Variants in FBXW7 observed in about 807,000 individuals in gnomAD.
FBXW7 encodes the protein F-box and WD repeat domain containing 7.
Under a neutral mutation model 86.3 loss-of-function variants are expected in FBXW7, and 11 were observed. That is an observed-to-expected ratio of 0.13 (90% confidence interval 0.08 to 0.21). The LOEUF is 0.21. Ranked by LOEUF, FBXW7 falls within the 10% of genes least tolerant of loss-of-function variation. FBXW7 has a pLI of 1.00. For missense variants in FBXW7, 488 were observed against 847.4 expected (o/e 0.58, Z 5.27); for synonymous variants, 313 against 297.9 (o/e 1.05, Z -0.52).
chr4:152,323,998 AAC>A (rs1728784744), intron 13 of FBXW7, 184 bp downstream of exon 13: 4 of 575,582 alleles, frequency 6.9e-6, no homozygotes, highest in East Asian at 5.7e-5. Context: ...ACATATTAAA[AAC>A]ACAGTTTAAA....
At chr4:152,364,196 GCC>G (rs1246034417) in intron 4 of FBXW7, among the ~76,000 whole-genome samples, 7 of 152,124 alleles carry the variant, frequency 4.6e-5, no homozygotes, top group African/African-American at 1.7e-4. Context: ...TTATATTGAG[GCC>G]AGGCAGTCAT....
Position 152,359,887 on chromosome 4 carries a change from T to A in FBXW7, c.502-9763A>T, listed in dbSNP as rs539579006. ...GAAGTTATTTTAATAGTCTGGGAGT[T>A]CATAAATGACATGGTCTTGCTTCTG... On this transcript the variant is annotated intron_variant, in intron 4 of 13. Transcript: ENST00000281708. Among the ~76,000 whole-genome samples the A allele has an allele frequency of 3.7e-4, 56 of 152,288 alleles. No individual in the cohort carries two copies. The South Asian group carries it at 0.011, about 29-fold the overall frequency.
At chr4:152,383,734 A>G (rs1427657563) in intron 4 of FBXW7, among the ~76,000 whole-genome samples, 6 of 152,144 alleles carry the variant, frequency 3.9e-5, no homozygotes, top group Admixed American at 1.3e-4. Context: ...AAAGATTAGC[A>G]TTGCTAAATA....
At chr4:152,491,525 G>A (rs1047601970) in intron 2 of FBXW7, among the ~76,000 whole-genome samples, 2 of 152,108 alleles carry the variant, frequency 1.3e-5, no homozygotes, top group Admixed American at 6.6e-5. Context: ...TGGACGTGAC[G>A]TTTAGAATGA....
chr4:152,425,389 GT>G (rs914700568), intron 2 of FBXW7, among the ~76,000 whole-genome samples: 1 of 152,110 alleles, frequency 6.6e-6, no homozygotes, highest in Non-Finnish European at 1.5e-5. Context: ...GTAAGGTTTT[GT>G]TTTGTTTTCA....
chr4:152,404,736 T>C (rs1002488900), intron 4 of FBXW7, among the ~76,000 whole-genome samples: 1 of 152,142 alleles, frequency 6.6e-6, no homozygotes, highest in East Asian at 1.9e-4. Flanking sequence ...TACCTGAGTC[T>C]TAAACTCAAT....
At chr4:152,352,503 A>G in intron 4 of FBXW7, 1 of 1,613,814 alleles carries the variant, frequency 6.2e-7, no homozygotes, top group Non-Finnish European at 8.5e-7. Flanking sequence ...TGCCGTAGAA[A>G]CCCATATTTT....
intron 2 of FBXW7, among the ~76,000 whole-genome samples, chr4:152,529,972 C>A (rs1383420078): frequency 2.7e-5 from 4 of 150,826 alleles, no homozygotes; most frequent in African/African-American, 9.8e-5. Context: ...AGGAGGATGA[C>A]TTGAGCCCAG....
At chr4:152,327,950 A>AAAAGGATTAGAGATT (rs1167155401) in intron 11 of FBXW7, among the ~76,000 whole-genome samples, 1 of 151,984 alleles carries the variant, frequency 6.6e-6, no homozygotes, top group Admixed American at 6.6e-5. Flanking sequence ...CAGAACAACA[A>AAAAGGATTAGAGATT]AAAGGATTAG....
intron 4 of FBXW7, among the ~76,000 whole-genome samples, chr4:152,387,623 A>AC (rs1462534617): frequency 1.3e-5 from 2 of 151,342 alleles, no homozygotes; most frequent in Non-Finnish European, 3.0e-5. Flanking sequence ...AAAAAAAAAA[A>AC]ACATCCAGCA....
At chr4:152,533,032 C>CA (rs537353123) in intron 2 of FBXW7, among the ~76,000 whole-genome samples, 43 of 151,720 alleles carry the variant, frequency 2.8e-4, no homozygotes, top group Middle Eastern at 3.4e-3. Context: ...ACTAAAAATA[C>CA]AAAAAAAATT....
intron 2 of FBXW7, among the ~76,000 whole-genome samples, chr4:152,420,764 G>T (rs1270817826): frequency 6.6e-6 from 1 of 152,128 alleles, no homozygotes; most frequent in Admixed American, 6.6e-5. Flanking sequence ...ACTCAAGAGT[G>T]GGCTTAACAT....
chr4:152,341,809 ATG>A (rs200284555), intron 6 of FBXW7, among the ~76,000 whole-genome samples: 1 of 152,096 alleles, frequency 6.6e-6, no homozygotes, highest in African/African-American at 2.4e-5. Context: ...CTACGTGTGT[ATG>A]TGTGTGTGTG....
intron 4 of FBXW7, among the ~76,000 whole-genome samples, chr4:152,391,491 T>C (rs1735994223): frequency 6.6e-6 from 1 of 152,152 alleles, no homozygotes; most frequent in Non-Finnish European, 1.5e-5. Flanking sequence ...TTCTTTAGTA[T>C]GCCTGTAATA....
At chr4:152,477,029 AT>A (rs1260893662) in intron 2 of FBXW7, among the ~76,000 whole-genome samples, 2 of 151,758 alleles carry the variant, frequency 1.3e-5, no homozygotes, top group Non-Finnish European at 2.9e-5. Context: ...ACACTACTAT[AT>A]GGGAACCAGG....
intron 4 of FBXW7, among the ~76,000 whole-genome samples, chr4:152,362,298 T>C (rs569416569): frequency 4.6e-5 from 7 of 152,256 alleles, no homozygotes; most frequent in African/African-American, 1.4e-4. Context: ...TGTATGTTCA[T>C]AATTATACAA....
At chr4:152,493,755 C>T (rs1746069925) in intron 2 of FBXW7, among the ~76,000 whole-genome samples, 1 of 152,188 alleles carries the variant, frequency 6.6e-6, no homozygotes, top group Non-Finnish European at 1.5e-5. Flanking sequence ...CTGCCAACAC[C>T]TTGATCTTTG....
chr4:152,474,247 C>T (rs780546629), intron 2 of FBXW7, among the ~76,000 whole-genome samples: 8 of 152,200 alleles, frequency 5.3e-5, no homozygotes, highest in Non-Finnish European at 8.8e-5. Flanking sequence ...AATTCAGCGA[C>T]TGTATGCTGG....
At chr4:152,414,316 C>T (rs1006738374) in intron 2 of FBXW7, among the ~76,000 whole-genome samples, 1 of 151,970 alleles carries the variant, frequency 6.6e-6, no homozygotes, top group Non-Finnish European at 1.5e-5. Context: ...ACAAAAAGCA[C>T]CAAAATGAGG....
Sources: allele counts gnomAD v4.1 joint callset (sites outside exome capture counted in the v4.1 genomes callset), GRCh38; gene constraint gnomAD v4.1.1; transcripts MANE v1.5; gene names NCBI Gene and HGNC (gene_info 2026-07-23, HGNC 2026-07-21).